Variants in KAZN observed in about 807,000 individuals in gnomAD.
KAZN encodes kazrin, periplakin interacting protein, also known as kazrin.
KAZN carries 40 observed loss-of-function variants against 87.4 expected under a neutral mutation model. That is an observed-to-expected ratio of 0.46 (90% CI 0.36 to 0.60). The LOEUF (loss-of-function observed/expected upper bound fraction) is 0.60. Ranked by LOEUF, KAZN falls within the 20% of genes least tolerant of loss-of-function variation. KAZN has a pLI of 0.00. For synonymous variants in KAZN, 466 were observed against 458.3 expected, an observed-to-expected ratio of 1.02 and a Z score of -0.22; for missense variants, 898 against 1,073.9, an observed-to-expected ratio of 0.84 and a Z score of 2.29.
intron 2 of KAZN, among the ~76,000 whole-genome samples, chr1:14,388,086 G>A (rs987558288): frequency 3.9e-5 from 6 of 152,142 alleles, no homozygotes; most frequent in African/African-American, 1.2e-4. Context: ...TCCAGGTGCC[G>A]TCTGTCACCC....
rs565421430 is a variant in KAZN, at chr1:13,927,820, G to T, written c.91+34064G>T. Among the ~76,000 whole-genome samples, 6 of 152,288 alleles carry T rather than the reference G, an allele frequency of 3.9e-5. No homozygotes were observed. In the South Asian group the frequency reaches 1.0e-3, roughly 26 times the overall value. The stretch of plus-strand genomic sequence containing the variant: ...GGAGCGGAAGAGACACAAGTACAGG[G>T]TGCTCAGAGGCTGCCCTGCAAGGGG... On this transcript the variant is annotated intron_variant, in intron 1 of 16. Transcript: ENST00000636203.
chr1:14,365,550 A>G (rs949075040), intron 2 of KAZN, among the ~76,000 whole-genome samples: 5 of 152,248 alleles, frequency 3.3e-5, no homozygotes, highest in African/African-American at 1.2e-4. Flanking sequence ...AATTCAACTC[A>G]TAACTGCAAA....
intron 2 of KAZN, among the ~76,000 whole-genome samples, chr1:14,357,982 A>G (rs1659180667): frequency 6.6e-6 from 1 of 152,198 alleles, no homozygotes; most frequent in Admixed American, 6.5e-5. Context: ...TGTTTGGAAT[A>G]GTTTCAGAAG....
chr1:15,086,033 C>G (rs1217136162), intron 8 of KAZN, among the ~76,000 whole-genome samples: 3 of 152,026 alleles, frequency 2.0e-5, no homozygotes, highest in Non-Finnish European at 4.4e-5. Flanking sequence ...TGCAGTGGTG[C>G]GATCTCGGCT....
intron 1 of KAZN, among the ~76,000 whole-genome samples, chr1:14,784,058 G>T (rs1159521702): frequency 1.3e-5 from 2 of 152,186 alleles, no homozygotes; most frequent in Non-Finnish European, 2.9e-5. Context: ...GAAGGCATTG[G>T]CTTAGGCGAT....
chr1:14,517,694 C>G (rs1377414194), intron 2 of KAZN, among the ~76,000 whole-genome samples: 4 of 152,306 alleles, frequency 2.6e-5, no homozygotes, highest in African/African-American at 9.6e-5. Flanking sequence ...TATCTTCCAG[C>G]TCATACACAG....
chr1:14,318,783 A>G (rs978916626), intron 2 of KAZN, among the ~76,000 whole-genome samples: 2 of 151,882 alleles, frequency 1.3e-5, no homozygotes, highest in African/African-American at 4.8e-5. Flanking sequence ...CTAACTTTTT[A>G]CTCTTCAGTA....
chr1:14,125,546 T>A (rs1644845763), intron 1 of KAZN, among the ~76,000 whole-genome samples: 1 of 151,996 alleles, frequency 6.6e-6, no homozygotes, highest in Admixed American at 6.5e-5. Context: ...GGCAGAGAGC[T>A]GGGGACTCTG....
At chr1:14,048,883 A>G (rs1388955690) in intron 1 of KAZN, among the ~76,000 whole-genome samples, 1 of 152,178 alleles carries the variant, frequency 6.6e-6, no homozygotes, top group African/African-American at 2.4e-5. Flanking sequence ...TTACAGTCCC[A>G]CCAACAGTGT....
At chr1:14,411,547 G>C (rs1167654851) in intron 2 of KAZN, among the ~76,000 whole-genome samples, 1 of 152,226 alleles carries the variant, frequency 6.6e-6, no homozygotes, top group Non-Finnish European at 1.5e-5. Context: ...CTGCCTGCCT[G>C]CCTTGGCCTC....
intron 2 of KAZN, among the ~76,000 whole-genome samples, chr1:14,182,644 A>G (rs1393721803): frequency 2.0e-5 from 3 of 152,180 alleles, no homozygotes; most frequent in Non-Finnish European, 4.4e-5. Flanking sequence ...ATGGCCAGGG[A>G]TGATATGTGA....
intron 2 of KAZN, among the ~76,000 whole-genome samples, chr1:14,399,733 T>C (rs1485236771): frequency 6.6e-6 from 1 of 152,090 alleles, no homozygotes; most frequent in East Asian, 1.9e-4. Flanking sequence ...TGCTCTGAGA[T>C]CAAAACCCCT....
At chr1:14,815,125 G>A (rs1424817726) in intron 1 of KAZN, among the ~76,000 whole-genome samples, 1 of 152,132 alleles carries the variant, frequency 6.6e-6, no homozygotes, top group East Asian at 1.9e-4. Context: ...GGTGTGACCT[G>A]CTTAGATACT....
chr1:14,532,520 C>T (rs1269620964), intron 2 of KAZN, among the ~76,000 whole-genome samples: 1 of 150,868 alleles, frequency 6.6e-6, no homozygotes, highest in South Asian at 2.1e-4. Context: ...GCACAATGTG[C>T]AGGTTTGTTA....
chr1:14,690,126 A>T (rs1641197029), intron 1 of KAZN, among the ~76,000 whole-genome samples: 1 of 152,152 alleles, frequency 6.6e-6, no homozygotes, highest in Admixed American at 6.5e-5. Flanking sequence ...TGAACAAATG[A>T]AGACGGGCTG....
intron 2 of KAZN, among the ~76,000 whole-genome samples, chr1:15,002,993 TA>T (rs796687246): frequency 2.2e-5 from 3 of 138,164 alleles, no homozygotes; most frequent in African/African-American, 8.7e-5. Flanking sequence ...AAAATAAAAA[TA>T]AAAATAAACG....
At chr1:14,193,991 G>A (rs1023324608) in intron 2 of KAZN, among the ~76,000 whole-genome samples, 2 of 152,082 alleles carry the variant, frequency 1.3e-5, no homozygotes, top group African/African-American at 4.8e-5. Context: ...CTGGGTGACT[G>A]GAAGTTGTCA....
At chr1:13,928,172 C>G (rs10489149) in intron 1 of KAZN, among the ~76,000 whole-genome samples, 11,669 of 152,228 alleles carry the variant, frequency 0.077, 662 homozygotes, top group East Asian at 0.2. Flanking sequence ...AAACTAATAG[C>G]CTGTGACTTT....
intron 2 of KAZN, among the ~76,000 whole-genome samples, chr1:14,247,833 T>G (rs913713885): frequency 2.0e-5 from 3 of 152,112 alleles, no homozygotes; most frequent in African/African-American, 7.2e-5. Context: ...GCTTTTTTTT[T>G]TGGGTGTGTG....
Sources: allele counts gnomAD v4.1 joint callset (sites outside exome capture counted in the v4.1 genomes callset), GRCh38; gene constraint gnomAD v4.1.1; transcripts MANE v1.5; gene names NCBI Gene and HGNC (gene_info 2026-07-23, HGNC 2026-07-21).